The following NBAS variants were observed in gnomAD, a reference collection of about 807,000 sequenced individuals.
The protein encoded by NBAS is NBAS subunit of NRZ tethering complex, also known as NAG/BC035112 fusion.
In NBAS, 219 loss-of-function variants were observed where a neutral mutation model predicts 302.5. The observed-to-expected ratio is 0.72, with a 90% CI of 0.65 to 0.81. The LOEUF (loss-of-function observed/expected upper bound fraction) is 0.81, where lower values mean the gene tolerates loss of function less well. Ranked by LOEUF, NBAS falls within the 30% of genes least tolerant of loss-of-function variation. NBAS has a pLI of 0.00. For synonymous variants in NBAS, 1,118 were observed against 1,021.6 expected, an observed-to-expected ratio of 1.09 and a Z score of -1.80; for missense variants, 2,932 against 2,841.6, an observed-to-expected ratio of 1.03 and a Z score of -0.72.
At chr2:14,927,542 G>A in the NBAS span, among the ~76,000 whole-genome samples, 22 of 152,280 alleles carry the variant, frequency 1.4e-4, no homozygotes, top group African/African-American at 5.1e-4. Context: ...ATATCTGTTT[G>A]AGTCTGTGCT....
At chr2:15,255,285 T>C (rs1668542753) in intron 44 of NBAS, among the ~76,000 whole-genome samples, 1 of 152,214 alleles carries the variant, frequency 6.6e-6, no homozygotes, top group Non-Finnish European at 1.5e-5. Context: ...GGCATCTCAT[T>C]GTAGTTTTGA....
chr2:15,088,746 G>T, the NBAS span, among the ~76,000 whole-genome samples: 1 of 152,224 alleles, frequency 6.6e-6, no homozygotes, highest in South Asian at 2.1e-4. Flanking sequence ...CACAGAGGTG[G>T]AAAGTGATAA....
chr2:15,144,048 A>ATATATATATATATTATCCT, the NBAS span, among the ~76,000 whole-genome samples: 140 of 113,600 alleles, frequency 1.2e-3, 1 homozygote, highest in East Asian at 4.7e-3. Flanking sequence ...TATATATAAA[A>ATATATATATATATTATCCT]ATATATATAT....
At position 15,475,299 on chromosome 2, in the gene NBAS, T is replaced by C. The variant is rs79979262; in HGVS notation, c.1341+388A>G. Among the ~76,000 whole-genome samples the C allele has an allele frequency of 8.3e-3, 1,263 of 152,352 alleles. 21 individuals carry two copies. Among genetic ancestry groups the C allele is most frequent in the East Asian group, 0.06 (310 of 5,182 alleles). On this transcript the variant is annotated intron_variant, in intron 14 of 51. Transcript: ENST00000281513. Reference sequence around the variant, plus strand: ...AACTAGCCTCTATTTTCAAGTCTTTTGTCATAATAAACAAGTTTCCTTACT... The same window carrying C: ...AACTAGCCTCTATTTTCAAGTCTTTCGTCATAATAAACAAGTTTCCTTACT...
chr2:15,098,305 A>ATATATT, the NBAS span, among the ~76,000 whole-genome samples: 2 of 14,974 alleles, frequency 1.3e-4, no homozygotes, highest in Non-Finnish European at 1.7e-4. Context: ...TACAATATAT[A>ATATATT]ATATATTGTA....
chr2:14,996,740 T>C, the NBAS span, among the ~76,000 whole-genome samples: 1 of 152,192 alleles, frequency 6.6e-6, no homozygotes, highest in Non-Finnish European at 1.5e-5. Flanking sequence ...GGAAAGCAGA[T>C]GCTGATATTG....
At chr2:15,066,724 G>A in the NBAS span, among the ~76,000 whole-genome samples, 1 of 152,148 alleles carries the variant, frequency 6.6e-6, no homozygotes, top group African/African-American at 2.4e-5. Context: ...GTGGGGAAAA[G>A]AGAACACTTG....
the NBAS span, among the ~76,000 whole-genome samples, chr2:14,789,269 G>A: frequency 1.6e-4 from 25 of 152,158 alleles, no homozygotes; most frequent in Non-Finnish European, 2.2e-4. Context: ...GGAACTCCCC[G>A]ACCCCTTGCG....
intron 21 of NBAS, among the ~76,000 whole-genome samples, chr2:15,459,277 T>C (rs951957010): frequency 6.6e-6 from 1 of 152,194 alleles, no homozygotes; most frequent in East Asian, 1.9e-4. Context: ...AAAAAACCGT[T>C]AAGAGACAGT....
At chr2:15,236,850 A>C (rs1048180784) in intron 45 of NBAS, among the ~76,000 whole-genome samples, 1 of 152,156 alleles carries the variant, frequency 6.6e-6, no homozygotes, top group Admixed American at 6.6e-5. Context: ...TTCATTAGAC[A>C]GAAAAATAGG....
chr2:14,800,790 T>TA, the NBAS span, among the ~76,000 whole-genome samples: 162 of 141,836 alleles, frequency 1.1e-3, 3 homozygotes, highest in African/African-American at 4.6e-3. Flanking sequence ...AAATTGTTTT[T>TA]GTTTTTTTTT....
At chr2:15,403,514 A>G (rs1676250490) in intron 25 of NBAS, among the ~76,000 whole-genome samples, 1 of 152,178 alleles carries the variant, frequency 6.6e-6, no homozygotes, top group South Asian at 2.1e-4. Context: ...AACTATTTAC[A>G]TAACATTTAC....
At chr2:15,203,874 GTGTGTGTGTGTGTGCT>G (rs567655131) in intron 48 of NBAS, among the ~76,000 whole-genome samples, 5,741 of 137,568 alleles carry the variant, frequency 0.042, 101 homozygotes, top group East Asian at 0.062. Context: ...CTGTGTCTGT[GTGTGTGTGTGTGTGCT>G]TGTGTGTGTG....
chr2:15,108,192 G>C, the NBAS span, among the ~76,000 whole-genome samples: 6 of 152,104 alleles, frequency 3.9e-5, 1 homozygote, highest in South Asian at 1.2e-3. Flanking sequence ...ATTTCTCTAA[G>C]GAGTGGAATT....
chr2:14,889,147 G>T, the NBAS span, among the ~76,000 whole-genome samples: 3 of 152,150 alleles, frequency 2.0e-5, no homozygotes, highest in African/African-American at 7.2e-5. Flanking sequence ...AGACATTTGT[G>T]TGTCCTTCTC....
At chr2:14,823,508 A>G in the NBAS span, among the ~76,000 whole-genome samples, 3 of 152,246 alleles carry the variant, frequency 2.0e-5, no homozygotes, top group Non-Finnish European at 4.4e-5. Flanking sequence ...TATGAAGATC[A>G]CATAGCTAAT....
At chr2:15,385,867 G>GT (rs1024958658) in intron 28 of NBAS, among the ~76,000 whole-genome samples, 3 of 152,064 alleles carry the variant, frequency 2.0e-5, no homozygotes, top group African/African-American at 4.8e-5. Context: ...CAGGGACTCC[G>GT]TAAGTATTTA....
chr2:15,178,919 A>G (rs911945770), intron 51 of NBAS, 69 bp downstream of exon 51: 9 of 1,600,312 alleles, frequency 5.6e-6, no homozygotes, highest in South Asian at 1.1e-5. Context: ...ATGAGAATGA[A>G]AGTGCTAATT....
intron 33 of NBAS, among the ~76,000 whole-genome samples, chr2:15,355,560 AT>A (rs1558265394): frequency 6.6e-6 from 1 of 152,130 alleles, no homozygotes. Flanking sequence ...TTGAAATGTA[AT>A]CCCCAGTGCT....
Sources: allele counts gnomAD v4.1 joint callset (sites outside exome capture counted in the v4.1 genomes callset), GRCh38; gene constraint gnomAD v4.1.1; transcripts MANE v1.5; gene names NCBI Gene and HGNC (gene_info 2026-07-23, HGNC 2026-07-21).